ZNF385B: variants seen among roughly 807,000 people sequenced by gnomAD.
The protein encoded by ZNF385B is zinc finger protein 385B, also known as zinc finger protein 533.
ZNF385B carries 23 observed loss-of-function variants against 39.2 expected under a neutral mutation model. The observed-to-expected ratio is 0.59, with a 90% confidence interval of 0.42 to 0.83. The LOEUF (loss-of-function observed/expected upper bound fraction) is 0.83, where lower values mean the gene tolerates loss of function less well. Ranked by LOEUF, ZNF385B falls within the 40% of genes least tolerant of loss-of-function variation. ZNF385B has a pLI of 0.00. For missense variants in ZNF385B, 552 were observed against 598.9 expected (o/e 0.92, Z 0.82); for synonymous variants, 205 against 222.6 (o/e 0.92, Z 0.70).
At chr2:179,680,626 G>A (rs190314610) in intron 3 of ZNF385B, among the ~76,000 whole-genome samples, 66 of 152,114 alleles carry the variant, frequency 4.3e-4, no homozygotes, top group African/African-American at 1.3e-3. Flanking sequence ...TAAACTGTTC[G>A]CAGGTATGTT....
Position 179,769,125 on chromosome 2 carries a change from A to C in ZNF385B, c.298+378T>G, listed in dbSNP as rs577914671. 6.6e-5 allele frequency among the ~76,000 whole-genome samples: 10 copies of C among 152,348 alleles called. No individual in the cohort carries two copies. In the East Asian group the frequency reaches 1.9e-3, roughly 29 times the overall value. On this transcript the variant is annotated intron_variant, in intron 3 of 9. Coordinates refer to ENST00000410066, the MANE Select transcript of ZNF385B (RefSeq NM_152520.6). ...TATACTATCAAGTGGTATGCCACCC[A>C]ATAGAAAGCAGATAAAGGAAACCCA...
chr2:179,826,246 G>A (rs759241553), intron 1 of ZNF385B, among the ~76,000 whole-genome samples: 11 of 152,170 alleles, frequency 7.2e-5, no homozygotes, highest in Admixed American at 3.3e-4. Context: ...GAAAGGTATC[G>A]GGAAGGGGAG....
chr2:179,670,125 A>T (rs943495891), intron 3 of ZNF385B, among the ~76,000 whole-genome samples: 1 of 152,028 alleles, frequency 6.6e-6, no homozygotes, highest in African/African-American at 2.4e-5. Context: ...CCCCGTCTCT[A>T]CTAAAAATAC....
intron 3 of ZNF385B, chr2:179,583,878 T>C (rs971306532): frequency 1.8e-5 from 23 of 1,296,762 alleles, no homozygotes; most frequent in Non-Finnish European, 2.2e-5. Flanking sequence ...CTGCCCTCAG[T>C]CCACATATAA....
intron 3 of ZNF385B, among the ~76,000 whole-genome samples, chr2:179,722,853 C>T (rs994631392): frequency 6.6e-6 from 1 of 151,982 alleles, no homozygotes; most frequent in African/African-American, 2.4e-5. Context: ...ATGACTACTA[C>T]AAATAATTTT....
chr2:179,513,010 C>T (rs1382419103), intron 5 of ZNF385B, among the ~76,000 whole-genome samples: 2 of 152,048 alleles, frequency 1.3e-5, no homozygotes, highest in Non-Finnish European at 2.9e-5. Flanking sequence ...TGCATGAAGC[C>T]AACTCTGGTA....
At chr2:179,669,566 T>G (rs1695639005) in intron 3 of ZNF385B, among the ~76,000 whole-genome samples, 1 of 152,202 alleles carries the variant, frequency 6.6e-6, no homozygotes, top group African/African-American at 2.4e-5. Context: ...TCTTGACTTT[T>G]TCCTCTACAT....
chr2:179,606,583 G>A (rs1346602214), intron 3 of ZNF385B, among the ~76,000 whole-genome samples: 1 of 152,056 alleles, frequency 6.6e-6, no homozygotes, highest in Non-Finnish European at 1.5e-5. Context: ...TACTATCTAT[G>A]AACATGCACA....
chr2:179,572,822 C>A (rs1243592591), intron 3 of ZNF385B, among the ~76,000 whole-genome samples: 1 of 152,128 alleles, frequency 6.6e-6, no homozygotes, highest in Non-Finnish European at 1.5e-5. Flanking sequence ...TATGGTCCTC[C>A]CCTTCCCACT....
chr2:179,764,254 T>C (rs1703564198), intron 3 of ZNF385B, among the ~76,000 whole-genome samples: 1 of 152,196 alleles, frequency 6.6e-6, no homozygotes, highest in South Asian at 2.1e-4. Context: ...TCATCAGATA[T>C]TAATATAGCT....
intron 1 of ZNF385B, among the ~76,000 whole-genome samples, chr2:179,826,903 A>G (rs866600570): frequency 1.3e-4 from 20 of 152,326 alleles, no homozygotes; most frequent in Admixed American, 2.6e-4. Flanking sequence ...AAAACTTCAA[A>G]TCTTTTGTCC....
At chr2:179,729,810 T>G (rs1701269980) in intron 3 of ZNF385B, among the ~76,000 whole-genome samples, 1 of 152,102 alleles carries the variant, frequency 6.6e-6, no homozygotes, top group African/African-American at 2.4e-5. Flanking sequence ...GTGAGTGAAT[T>G]CTCATGAGAT....
At chr2:179,721,160 A>T (rs1451315100) in intron 3 of ZNF385B, among the ~76,000 whole-genome samples, 1 of 152,050 alleles carries the variant, frequency 6.6e-6, no homozygotes, top group African/African-American at 2.4e-5. Flanking sequence ...ATTTCAATAC[A>T]TTACAAAGGA....
At chr2:179,740,061 A>T (rs1701998243) in intron 3 of ZNF385B, among the ~76,000 whole-genome samples, 1 of 152,212 alleles carries the variant, frequency 6.6e-6, no homozygotes, top group Non-Finnish European at 1.5e-5. Context: ...TTCATTTCTG[A>T]ATCTGCTTAC....
intron 3 of ZNF385B, among the ~76,000 whole-genome samples, chr2:179,580,928 G>T (rs1386366609): frequency 1.3e-5 from 2 of 152,292 alleles, no homozygotes; most frequent in Non-Finnish European, 2.9e-5. Flanking sequence ...TGACAACCTG[G>T]AGTTGTGGCC....
chr2:179,493,730 CAT>C (rs2055710566), intron 5 of ZNF385B, among the ~76,000 whole-genome samples: 1 of 135,082 alleles, frequency 7.4e-6, no homozygotes, highest in African/African-American at 3.0e-5. Context: ...TACGTATATA[CAT>C]ATATGTATAC....
intron 3 of ZNF385B, among the ~76,000 whole-genome samples, chr2:179,650,459 A>G (rs1001274134): frequency 7.9e-5 from 12 of 152,244 alleles, no homozygotes; most frequent in African/African-American, 2.9e-4. Context: ...AGTGACATAC[A>G]TTATTCAAGA....
intron 4 of ZNF385B, among the ~76,000 whole-genome samples, chr2:179,537,440 T>C (rs1446249702): frequency 6.6e-6 from 1 of 151,948 alleles, no homozygotes; most frequent in East Asian, 1.9e-4. Flanking sequence ...TTTCTCTCTG[T>C]CAAATTTAAT....
chr2:179,679,596 CTATTATTGT>C (rs1165296279), intron 3 of ZNF385B, among the ~76,000 whole-genome samples: 1 of 120,064 alleles, frequency 8.3e-6, no homozygotes, highest in Non-Finnish European at 1.8e-5. Context: ...TTATTAACAG[CTATTATTGT>C]TGTTGTTGTT....
Sources: allele counts gnomAD v4.1 joint callset (sites outside exome capture counted in the v4.1 genomes callset), GRCh38; gene constraint gnomAD v4.1.1; transcripts MANE v1.5; gene names NCBI Gene and HGNC (gene_info 2026-07-23, HGNC 2026-07-21).